CNNM4: variants seen among roughly 807,000 people sequenced by gnomAD.
CNNM4 encodes metal transporter CNNM4.
CNNM4 carries 32 observed loss-of-function variants against 53.7 expected under a neutral mutation model. The observed-to-expected ratio is 0.60, with a 90% confidence interval of 0.45 to 0.80. CNNM4 has a LOEUF of 0.80. Ranked by LOEUF, CNNM4 falls within the 30% of genes least tolerant of loss-of-function variation. The pLI, the probability that CNNM4 is intolerant of heterozygous loss-of-function variation, is 0.00. For synonymous variants in CNNM4, 410 were observed against 440.0 expected, an observed-to-expected ratio of 0.93 and a Z score of 0.85; for missense variants, 784 against 1,022.0, an observed-to-expected ratio of 0.77 and a Z score of 3.17.
In CNNM4 at chr2:96,808,565, T is replaced by C; in HGVS notation, c.1953T>C (p.Arg651=). The change falls in exon 6 of 7, where the codon CGT becomes CGC. Residue 651 remains arginine (R), a synonymous_variant. Transcript: ENST00000377075. The surrounding 1 kb of genome is among the most constrained non-coding windows in gnomAD (Gnocchi z 4.9). ...CAACCTCTGCTCTCCCTGCAGACCG[T>C]TCCCCAGCACACCCCACCCCACTCA... is the stretch of plus-strand genomic sequence containing the variant. ...TMALTSVPSD[R]SPAHPTPLSR... is the part of the protein sequence containing the mutation. The C allele has an allele frequency of 1.2e-6, 2 of 1,613,958 alleles. No individual in the cohort carries two copies. Among genetic ancestry groups the C allele is most frequent in the South Asian group, 1.1e-5 (1 of 91,074 alleles).
At chr2:96,802,120 AACACAGAGAC>A (rs1262272108) in intron 5 of CNNM4, among the ~76,000 whole-genome samples, 1 of 150,990 alleles carries the variant, frequency 6.6e-6, no homozygotes, top group Non-Finnish European at 1.5e-5. Flanking sequence ...TAGACACACA[AACACAGAGAC>A]ACACAGATAC....
intron 5 of CNNM4, among the ~76,000 whole-genome samples, chr2:96,804,155 A>C (rs958841674): frequency 1.3e-5 from 2 of 151,718 alleles, no homozygotes; most frequent in African/African-American, 2.4e-5. Flanking sequence ...TCAGCCTCTC[A>C]AAGCACTGGG....
intron 5 of CNNM4, among the ~76,000 whole-genome samples, chr2:96,804,816 G>T (rs2079187961): frequency 6.6e-6 from 1 of 152,002 alleles, no homozygotes; most frequent in Non-Finnish European, 1.5e-5. Context: ...GATTACGGGT[G>T]TGAGCCACCG....
Position 96,761,425 on chromosome 2 carries a change from C to G in CNNM4, c.426C>G (p.Ser142Arg), listed in dbSNP as rs1362076464. 1 of 1,614,078 alleles carries G rather than the reference C, an allele frequency of 6.2e-7. No individual in the cohort carries two copies. The highest frequency in any genetic ancestry group is 8.5e-7 in the Non-Finnish European group (1 of 1,180,018). ...TGCTCACCAAGTTCCTCCGGAGGAG[C>G]GAGAGCATGAAGCTGTATGCACTGT... ...LVVLTKFLRR[S>R]ESMKLYALCT... is the part of the protein sequence containing the mutation. Residue 142 changes from serine (S) to arginine (R), a missense_variant, in exon 1 of 7, where the codon AGC becomes AGG. By Grantham distance (110) the Ser-to-Arg change is moderately radical (BLOSUM62 -1). Transcript: ENST00000377075. This position sits in a 1 kb window ranked among gnomAD's most constrained non-coding sequence, Gnocchi z 6.0.
At chr2:96,768,041 C>T (rs1212146198) in intron 1 of CNNM4, among the ~76,000 whole-genome samples, 1 of 152,094 alleles carries the variant, frequency 6.6e-6, no homozygotes, top group African/African-American at 2.4e-5. Context: ...CCAGCCTGGG[C>T]GATAGAGCAA....
In CNNM4 at chr2:96,769,743, G is replaced by A. The variant is rs1043529373; in HGVS notation, c.1402+7342G>A. Among the ~76,000 whole-genome samples the A allele has an allele frequency of 2.1e-4, 32 of 151,892 alleles. No homozygotes were observed. In the Middle Eastern group the frequency reaches 0.01, roughly 48 times the overall value. On this transcript the variant is annotated intron_variant, in intron 1 of 6. Coordinates refer to ENST00000377075, the MANE Select transcript of CNNM4 (RefSeq NM_020184.4). ...AGACCATGCACAGACTGTGGGATGG[G>A]ACCTTAGGCTGTGGGGTGCCCAGCG...
At chr2:96,776,736 C>A (rs764922370) in intron 1 of CNNM4, among the ~76,000 whole-genome samples, 7 of 152,098 alleles carry the variant, frequency 4.6e-5, no homozygotes, top group Non-Finnish European at 8.8e-5. Flanking sequence ...CCTTAGCCTC[C>A]TGAGTAGCTG....
Position 96,797,799 on chromosome 2 carries a change from T to G in CNNM4, c.1681+152T>G. The stretch of plus-strand genomic sequence containing the variant: ...CCACCCCTGGAAGGGGCCGGGTATC[T>G]GCTCCACCCCTGGGGATCTCCCTGC... On this transcript the variant is annotated intron_variant, in intron 3 of 6. Transcript: ENST00000377075. The surrounding 1 kb of genome is among the most constrained non-coding windows in gnomAD (Gnocchi z 6.0). 1 of 1,040,570 alleles carries G rather than the reference T, an allele frequency of 9.6e-7. No homozygotes were observed. The highest frequency in any genetic ancestry group is 1.4e-6 in the Non-Finnish European group (1 of 697,086). 64.5% of individuals were successfully genotyped at this position (1,040,570 alleles called of 1,614,324 possible). A position where few individuals can be genotyped will look rare whatever the true frequency, so the allele number is the denominator to read the frequency against.
chr2:96,764,044 G>T (rs1221873290), intron 1 of CNNM4, among the ~76,000 whole-genome samples: 3 of 152,046 alleles, frequency 2.0e-5, no homozygotes, highest in African/African-American at 2.4e-5. Flanking sequence ...ACCTGATTAG[G>T]ACCCTCCAGG....
In CNNM4 at chr2:96,809,453, C is replaced by T. The variant is rs2079238295; in HGVS notation, c.2264C>T (p.Thr755Ile). 1.2e-6 allele frequency: 2 copies of T among 1,614,096 alleles called. No individual in the cohort carries two copies. The highest frequency in any genetic ancestry group is 1.7e-5 in the Admixed American group (1 of 60,008). ...EKSELPVVDE[T>I]TTLLNERNSL... Reference sequence around the variant, plus strand: ...TCTGAGCTGCCTGTGGTGGACGAGACCACAACTCTTCTCAACGAGCGTAAC... The same window carrying T: ...TCTGAGCTGCCTGTGGTGGACGAGATCACAACTCTTCTCAACGAGCGTAAC... Residue 755 changes from threonine to isoleucine, a missense_variant, in exon 7 of 7, where the codon ACC becomes ATC. By Grantham distance (89) the Thr-to-Ile change is moderately conservative. Around this residue, in one of 3 missense-constraint regions of CNNM4, gnomAD observed 307 missense variants for 376.3 expected, o/e 0.82. Transcript: ENST00000377075.
intron 1 of CNNM4, among the ~76,000 whole-genome samples, chr2:96,789,252 A>C (rs1415832998): frequency 6.6e-6 from 1 of 152,192 alleles, no homozygotes; most frequent in Admixed American, 6.5e-5. Flanking sequence ...GGGCCCTAAA[A>C]GACAACATGG....
chr2:96,784,908 G>T (rs2079003305), intron 1 of CNNM4, among the ~76,000 whole-genome samples: 1 of 152,154 alleles, frequency 6.6e-6, no homozygotes, highest in African/African-American at 2.4e-5. Context: ...GATAGAGTCT[G>T]GCTCTGTCAC....
At chr2:96,786,966 A>C (rs1180768936) in intron 1 of CNNM4, among the ~76,000 whole-genome samples, 2 of 152,174 alleles carry the variant, frequency 1.3e-5, no homozygotes, top group African/African-American at 4.8e-5. Context: ...ATTAAGCAAA[A>C]GTGAAGGAAA....
intron 1 of CNNM4, among the ~76,000 whole-genome samples, chr2:96,766,358 A>G (rs1462318970): frequency 6.6e-6 from 1 of 152,146 alleles, no homozygotes; most frequent in Non-Finnish European, 1.5e-5. Flanking sequence ...TACAGGTGTG[A>G]GCCACCGTGC....
rs2079153447 is a variant in CNNM4 at position 96,801,085 on chromosome 2, GGT to G, written c.1948+1438_1948+1439del. 1 of 985,278 alleles carries G rather than the reference GGT, an allele frequency of 1.0e-6. No individual in the cohort carries two copies. Among genetic ancestry groups the G allele is most frequent in the Non-Finnish European group, 1.2e-6 (1 of 829,924 alleles). 61.0% of individuals were successfully genotyped at this position (985,278 alleles called of 1,614,324 possible). A position where few individuals can be genotyped will look rare whatever the true frequency, so the allele number is the denominator to read the frequency against. On this transcript the variant is annotated intron_variant, in intron 5 of 6. Coordinates refer to ENST00000377075, the MANE Select transcript of CNNM4 (RefSeq NM_020184.4). This position sits in a 1 kb window ranked among gnomAD's most constrained non-coding sequence, Gnocchi z 5.6. ...CTTTTGCTCCAGTGCCTTCAGTCCA[GGT>G]CGGGTGTCCGCCTGGCAAGCGGAAC...
At position 96,801,117 on chromosome 2, in the gene CNNM4, T is replaced by C. The variant is rs2079153851; in HGVS notation, c.1948+1469T>C. Reference sequence around the variant, plus strand: ...TGTCCGCCTGGCAAGCGGAACTCCCTGCTCTGCTGGCTCACAGGTAACGTG... The same window carrying C: ...TGTCCGCCTGGCAAGCGGAACTCCCCGCTCTGCTGGCTCACAGGTAACGTG... On this transcript the variant is annotated intron_variant, in intron 5 of 6. Coordinates refer to ENST00000377075, the MANE Select transcript of CNNM4 (RefSeq NM_020184.4). The surrounding 1 kb of genome is among the most constrained non-coding windows in gnomAD (Gnocchi z 5.6). The C allele has an allele frequency of 1.0e-6, 1 of 985,424 alleles. No homozygotes were observed. Among genetic ancestry groups the C allele is most frequent in the African/African-American group, 1.7e-5 (1 of 57,350 alleles). 61.0% of individuals were successfully genotyped at this position (985,424 alleles called of 1,614,324 possible). A position where few individuals can be genotyped will look rare whatever the true frequency, so the allele number is the denominator to read the frequency against.
intron 1 of CNNM4, among the ~76,000 whole-genome samples, chr2:96,794,504 A>G (rs1461533434): frequency 6.6e-6 from 1 of 152,104 alleles, no homozygotes; most frequent in Non-Finnish European, 1.5e-5. Flanking sequence ...CTAATAGCGT[A>G]TCTTGGATTT....
At chr2:96,774,198 C>T (rs1397000775) in intron 1 of CNNM4, among the ~76,000 whole-genome samples, 1 of 152,132 alleles carries the variant, frequency 6.6e-6, no homozygotes. Flanking sequence ...TTGCCAGTCA[C>T]GTGTTTTCAT....
rs2079140618 is a variant in CNNM4, at chr2:96,799,639, G to A, written c.1939G>A (p.Val647Ile). The change falls in exon 5 of 7, where the codon GTC (valine) becomes ATC (isoleucine). Residue 647 changes from valine (V) to isoleucine (I), a missense_variant. Transcript: ENST00000377075. Reference sequence around the variant, plus strand: ...CTATGGGACTATGGCCCTGACCTCGGTCCCCTCCGGTGAGTTGTTGGGCAT... The same window carrying A: ...CTATGGGACTATGGCCCTGACCTCGATCCCCTCCGGTGAGTTGTTGGGCAT... The part of the protein sequence containing the change: ...SYYGTMALTS[V>I]PSDRSPAHPT... 1.3e-6 allele frequency: 2 copies of A among 1,551,584 alleles called. No individual in the cohort carries two copies. The highest frequency in any genetic ancestry group is 2.0e-5 in the Admixed American group (1 of 51,022).
Sources: allele counts gnomAD v4.1 joint callset (sites outside exome capture counted in the v4.1 genomes callset), GRCh38; gene constraint gnomAD v4.1.1; regional missense constraint gnomAD v4.1.1; non-coding constraint Gnocchi (gnomAD v3.1); transcripts MANE v1.5; gene names NCBI Gene and HGNC (gene_info 2026-07-23, HGNC 2026-07-21).